ADD3: variants seen among roughly 807,000 people sequenced by gnomAD.
The protein encoded by ADD3 is gamma-adducin.
Under a neutral mutation model 80.2 loss-of-function variants are expected in ADD3, and 25 were observed. That is an observed-to-expected ratio of 0.31 (90% confidence interval 0.23 to 0.44). The LOEUF is 0.44. ADD3 is among the 20% of genes least tolerant of loss of function. The pLI, the probability that ADD3 is intolerant of heterozygous loss-of-function variation, is 1.00. For synonymous variants in ADD3, 284 were observed against 289.6 expected, an observed-to-expected ratio of 0.98 and a Z score of 0.20; for missense variants, 829 against 847.5, an observed-to-expected ratio of 0.98 and a Z score of 0.27.
At chr10:110,060,606 C>G (rs141091567) in intron 1 of ADD3, among the ~76,000 whole-genome samples, 4 of 152,236 alleles carry the variant, frequency 2.6e-5, no homozygotes, top group Non-Finnish European at 5.9e-5. Flanking sequence ...ACATTTCTTT[C>G]ATCTCACTAT....
chr10:110,125,374 T>G (rs1349328729), intron 10 of ADD3, among the ~76,000 whole-genome samples: 1 of 152,090 alleles, frequency 6.6e-6, no homozygotes, highest in East Asian at 1.9e-4. Flanking sequence ...GCCTTTTCTG[T>G]CAGCCAAAAA....
intron 9 of ADD3, 101 bp downstream of exon 9, chr10:110,122,393 T>C: frequency 1.9e-6 from 2 of 1,067,292 alleles, no homozygotes; most frequent in Non-Finnish European, 2.7e-6. Flanking sequence ...TTCCAGAAGC[T>C]GAGTTTGGCC....
chr10:110,126,495 C>CT lies in ADD3; in HGVS notation c.1600_1601insT (p.Pro534LeufsTer8). 6.2e-7 allele frequency: 1 copy of CT among 1,610,806 alleles called. No homozygotes were observed. The highest frequency in any genetic ancestry group is 1.1e-5 in the South Asian group (1 of 91,000). ...GCTTGCTGGAATTGTTGTGGATAAG[C>CT]CACCTTCTGTAAGTTTATGAAGTAG... is the stretch of plus-strand genomic sequence containing the variant. On this transcript the variant is annotated frameshift_variant, in exon 12 of 15. Transcript: ENST00000356080. LOFTEE classifies it high-confidence loss of function.
intron 1 of ADD3, among the ~76,000 whole-genome samples, chr10:110,090,216 C>CTTTTTTT (rs144120692): frequency 8.8e-6 from 1 of 113,922 alleles, no homozygotes; most frequent in African/African-American, 3.7e-5. Flanking sequence ...ACCTACTTGA[C>CTTTTTTT]TTTTTTTTTT....
intron 12 of ADD3, among the ~76,000 whole-genome samples, chr10:110,128,119 G>A (rs1015108931): frequency 1.8e-5 from 2 of 109,078 alleles, no homozygotes; most frequent in African/African-American, 7.0e-5. Flanking sequence ...TTTTATGATT[G>A]TGTGCTGATC....
intron 1 of ADD3, among the ~76,000 whole-genome samples, chr10:110,058,364 G>T (rs554732444): frequency 2.6e-5 from 4 of 152,048 alleles, no homozygotes; most frequent in Non-Finnish European, 5.9e-5. Flanking sequence ...CTGTGGAGCC[G>T]CCTGTGAAAA....
chr10:110,026,285 T>G (rs1233694312), intron 1 of ADD3, among the ~76,000 whole-genome samples: 2 of 151,020 alleles, frequency 1.3e-5, no homozygotes, highest in Non-Finnish European at 3.0e-5. Flanking sequence ...TTTTCTTGTT[T>G]TTTTTTTTTT....
chr10:110,003,744 G>C (rs143744888), upstream of ADD3, among the ~76,000 whole-genome samples: 146 of 152,254 alleles, frequency 9.6e-4, 1 homozygote, highest in African/African-American at 3.3e-3. Flanking sequence ...TCTACCCAGA[G>C]TTCCTGTTGA....
rs1201133928 is a variant in ADD3 at position 110,135,493 on chromosome 10, A to G, written c.*1875A>G. On this transcript the variant is annotated 3_prime_UTR_variant, in exon 15 of 15. Coordinates refer to ENST00000356080, the MANE Select transcript of ADD3 (RefSeq NM_016824.5). ...CTGTGTCCTGTGGAAAAATGTATAAATGTTATCTGATATTGCTCTTAGATG... is the reference window on the plus strand; with the variant it reads ...CTGTGTCCTGTGGAAAAATGTATAAGTGTTATCTGATATTGCTCTTAGATG... The G allele has an allele frequency of 2.0e-5, 3 of 152,644 alleles. No homozygotes were observed. The highest frequency in any genetic ancestry group is 4.4e-5 in the Non-Finnish European group (3 of 68,034). 9.5% of individuals were successfully genotyped at this position (152,644 alleles called of 1,614,324 possible).
At chr10:110,098,955 C>T (rs1848489740) in intron 1 of ADD3, among the ~76,000 whole-genome samples, 1 of 152,048 alleles carries the variant, frequency 6.6e-6, no homozygotes. Context: ...TGCCTCACTC[C>T]ATCGCCCAGA....
At chr10:110,085,844 G>T (rs113345354) in intron 1 of ADD3, among the ~76,000 whole-genome samples, 6 of 152,088 alleles carry the variant, frequency 3.9e-5, no homozygotes, top group Non-Finnish European at 7.4e-5. Flanking sequence ...GGTGGCTCAC[G>T]CCTGTAATCC....
At chr10:110,100,522 C>T (rs530097577) in intron 1 of ADD3, 103 bp from the exon 2 acceptor site, 2 of 625,598 alleles carry the variant, frequency 3.2e-6, no homozygotes, top group Admixed American at 4.1e-5. Context: ...TAAAGTGCAC[C>T]TGTTAACTCT....
chr10:110,084,544 G>A (rs1390309332), intron 1 of ADD3, among the ~76,000 whole-genome samples: 2 of 152,184 alleles, frequency 1.3e-5, no homozygotes, highest in Admixed American at 1.3e-4. Context: ...TGTAGATAAA[G>A]TGAAAAGTAT....
rs925744406 is a variant in ADD3 at position 110,048,294 on chromosome 10, G to A, written c.-30+39995G>A. Among the ~76,000 whole-genome samples, 5 of 152,278 alleles carry A rather than the reference G, an allele frequency of 3.3e-5. No individual in the cohort carries two copies. The East Asian group carries it at 9.6e-4, about 29-fold the overall frequency. The stretch of plus-strand genomic sequence containing the variant: ...TTCTTTATGAACTATCCAGCCTTGG[G>A]TATGTCTTTATCAGCAGCATGAAAA... On this transcript the variant is annotated intron_variant, in intron 1 of 14. Coordinates refer to ENST00000356080, the MANE Select transcript of ADD3 (RefSeq NM_016824.5).
chr10:110,125,443 T>C (rs1050935907), intron 10 of ADD3, among the ~76,000 whole-genome samples: 2 of 151,844 alleles, frequency 1.3e-5, no homozygotes, highest in Admixed American at 1.3e-4. Flanking sequence ...TTTTTTTTTT[T>C]TGATTACTCC....
intron 1 of ADD3, chr10:110,016,490 G>A (rs10884921): frequency 0.27 from 40,455 of 152,088 alleles, 7,854 homozygotes; most frequent in African/African-American, 0.53. Flanking sequence ...AAGTGGTAAA[G>A]AAAATTATTT....
chr10:110,032,198 G>A (rs1184126513), intron 1 of ADD3, among the ~76,000 whole-genome samples: 3 of 152,184 alleles, frequency 2.0e-5, no homozygotes, highest in Non-Finnish European at 4.4e-5. Flanking sequence ...AGCATATTAA[G>A]CTGGATAAGT....
intron 1 of ADD3, among the ~76,000 whole-genome samples, chr10:110,021,812 T>G (rs1441019968): frequency 6.6e-6 from 1 of 152,152 alleles, no homozygotes; most frequent in African/African-American, 2.4e-5. Flanking sequence ...TGTGCAACAT[T>G]GCGAATATAC....
At chr10:110,064,344 G>A (rs758020702) in intron 1 of ADD3, among the ~76,000 whole-genome samples, 1 of 152,144 alleles carries the variant, frequency 6.6e-6, no homozygotes. Context: ...TGTACTAATT[G>A]ACATACCAAC....
Sources: gnomAD v4.1 joint callset for allele counts (sites outside exome capture counted in the v4.1 genomes callset) on GRCh38, gnomAD v4.1.1 for gene constraint, MANE v1.5 for transcripts, NCBI Gene and HGNC (gene_info 2026-07-23, HGNC 2026-07-21) for gene names.